MYRFL: variants seen among roughly 807,000 people sequenced by gnomAD.
MYRFL encodes myelin regulatory factor like.
A neutral mutation model predicts 109.4 loss-of-function variants in MYRFL; 88 were observed. That is an observed-to-expected ratio of 0.80 (90% CI 0.68 to 0.96). The LOEUF is 0.96. Ranked by LOEUF, MYRFL falls within the 40% of genes least tolerant of loss-of-function variation. MYRFL has a pLI of 0.00. For synonymous variants in MYRFL, 324 were observed against 320.9 expected (o/e 1.01, Z -0.10); for missense variants, 957 against 954.9 (o/e 1.00, Z -0.03).
Position 69,838,955 on chromosome 12 carries a change from G to T in MYRFL, c.46+13392G>T, listed in dbSNP as rs529396796. ...TTTTTAGATTATTCACTGAGAAGCT[G>T]TGCAAAGCCACAAGTGCAGCTCTCT... On this transcript the variant is annotated intron_variant, in intron 1 of 24. Transcript: ENST00000552032. Among the ~76,000 whole-genome samples the T allele has an allele frequency of 1.5e-3, 236 of 152,290 alleles. 1 individual carries two copies. Among genetic ancestry groups the T allele is most frequent in the Middle Eastern group, 6.8e-3 (2 of 294 alleles).
At chr12:69,956,659 G>A (rs967916073) in intron 22 of MYRFL, among the ~76,000 whole-genome samples, 3 of 150,934 alleles carry the variant, frequency 2.0e-5, no homozygotes, top group East Asian at 3.9e-4. Context: ...TTCACCGCAC[G>A]CCTTCTGCCT....
intron 14 of MYRFL, among the ~76,000 whole-genome samples, chr12:69,927,414 A>ATT (rs56738242): frequency 1.3e-4 from 19 of 150,136 alleles, no homozygotes; most frequent in South Asian, 2.1e-4. Context: ...ACTTTCTGTT[A>ATT]TTTTTTTTTT....
intron 11 of MYRFL, among the ~76,000 whole-genome samples, chr12:69,906,197 T>C (rs1406156609): frequency 6.6e-6 from 1 of 152,192 alleles, no homozygotes; most frequent in African/African-American, 2.4e-5. Context: ...ATTAAGAACA[T>C]GATTATCTAC....
intron 1 of MYRFL, among the ~76,000 whole-genome samples, chr12:69,836,941 A>G (rs768048376): frequency 1.3e-5 from 2 of 152,146 alleles, no homozygotes; most frequent in Non-Finnish European, 2.9e-5. Context: ...CCCAACTTCA[A>G]AGTTTCTTTC....
At chr12:69,826,149 C>T (rs1340087935) in intron 1 of MYRFL, among the ~76,000 whole-genome samples, 3 of 151,932 alleles carry the variant, frequency 2.0e-5, no homozygotes, top group Non-Finnish European at 4.4e-5. Flanking sequence ...AGTGACGGGG[C>T]GTACCAAAGA....
chr12:69,916,098 C>T (rs2120409068), intron 13 of MYRFL, among the ~76,000 whole-genome samples: 1 of 151,918 alleles, frequency 6.6e-6, no homozygotes, highest in African/African-American at 2.4e-5. Flanking sequence ...CTCATTGATT[C>T]TATTTTTTTT....
At chr12:69,923,802 C>T (rs1456180613) in intron 13 of MYRFL, among the ~76,000 whole-genome samples, 1 of 152,048 alleles carries the variant, frequency 6.6e-6, no homozygotes, top group Non-Finnish European at 1.5e-5. Flanking sequence ...AAACCAGAAA[C>T]TCAATACCCA....
At chr12:69,860,583 G>A (rs1884587703) in intron 2 of MYRFL, among the ~76,000 whole-genome samples, 3 of 151,704 alleles carry the variant, frequency 2.0e-5, no homozygotes, top group Admixed American at 1.3e-4. Context: ...TTGGATTTGA[G>A]TCTATCTTTT....
chr12:69,939,393 C>T lies in MYRFL; in HGVS notation c.2224+2761C>T, dbSNP rs373370488. Among the ~76,000 whole-genome samples the T allele has an allele frequency of 8.5e-5, 13 of 152,222 alleles. No homozygotes were observed. The South Asian group carries it at 1.0e-3, about 12-fold the overall frequency. On this transcript the variant is annotated intron_variant, in intron 19 of 24. Coordinates refer to ENST00000552032, the MANE Select transcript of MYRFL (RefSeq NM_182530.3). ...AAGTGGGTCCCTGACCCCTGACCCCCGAGCAGCCTAACTGGGAGGCACCCT... is the reference window on the plus strand; with the variant it reads ...AAGTGGGTCCCTGACCCCTGACCCCTGAGCAGCCTAACTGGGAGGCACCCT...
At chr12:69,865,830 G>A (rs1592723064) in intron 2 of MYRFL, among the ~76,000 whole-genome samples, 1 of 152,216 alleles carries the variant, frequency 6.6e-6, no homozygotes, top group Non-Finnish European at 1.5e-5. Flanking sequence ...TACCTTTGAG[G>A]TGGGTGATGG....
intron 20 of MYRFL, 56 bp downstream of exon 20, chr12:69,952,231 A>AT (rs1275490442): frequency 1.4e-6 from 2 of 1,459,116 alleles, no homozygotes; most frequent in East Asian, 4.9e-5. Context: ...AGGCCAACTA[A>AT]CAAGTTGTAA....
At chr12:69,829,188 T>C (rs1362480153) in intron 1 of MYRFL, among the ~76,000 whole-genome samples, 1 of 152,064 alleles carries the variant, frequency 6.6e-6, no homozygotes, top group Non-Finnish European at 1.5e-5. Context: ...TTGAGATCTA[T>C]GAGGAAGAAT....
At chr12:69,835,768 G>A (rs1882899122) in intron 1 of MYRFL, among the ~76,000 whole-genome samples, 1 of 152,196 alleles carries the variant, frequency 6.6e-6, no homozygotes, top group African/African-American at 2.4e-5. Flanking sequence ...CAGGGGCAGT[G>A]GCTCGCTTCT....
At chr12:69,825,884 A>C (rs1276739116) in intron 1 of MYRFL, among the ~76,000 whole-genome samples, 1 of 152,106 alleles carries the variant, frequency 6.6e-6, no homozygotes, top group African/African-American at 2.4e-5. Context: ...GTTTAAAAAA[A>C]CTACATAGCC....
chr12:69,932,870 T>TGTGC (rs1013726668), intron 16 of MYRFL, among the ~76,000 whole-genome samples: 16 of 150,756 alleles, frequency 1.1e-4, no homozygotes, highest in African/African-American at 3.6e-4. Flanking sequence ...TTCGTGTGTG[T>TGTGC]GTGTGTGTGT....
chr12:69,944,297 A>ATGAT (rs1458810453), intron 19 of MYRFL, among the ~76,000 whole-genome samples: 1 of 116,740 alleles, frequency 8.6e-6, no homozygotes, highest in Non-Finnish European at 1.7e-5. Context: ...ATGTCCAACA[A>ATGAT]TGATAGACTG....
In MYRFL at chr12:69,926,117, C is replaced by CTTT. The variant is rs147973443; in HGVS notation, c.1603-432_1603-430dup. On this transcript the variant is annotated intron_variant, in intron 13 of 24. Coordinates refer to ENST00000552032, the MANE Select transcript of MYRFL (RefSeq NM_182530.3). Reference sequence around the variant, plus strand: ...TGTTCTGACTTTCTTTCTTCTTCTTCTTTTTTTTTTTTTTTTTTTTTTTTG... The same window carrying CTTT: ...TGTTCTGACTTTCTTTCTTCTTCTTCTTTTTTTTTTTTTTTTTTTTTTTTTTTG... 3.7e-3 allele frequency among the ~76,000 whole-genome samples: 310 copies of CTTT among 84,762 alleles called. 2 individuals carry two copies. Among genetic ancestry groups the CTTT allele is most frequent in the Non-Finnish European group, 5.1e-3 (231 of 44,874 alleles). 55.6% of individuals were successfully genotyped at this position (84,762 alleles called of 152,430 possible).
intron 13 of MYRFL, among the ~76,000 whole-genome samples, chr12:69,916,354 A>C (rs921445379): frequency 1.3e-5 from 2 of 152,108 alleles, no homozygotes; most frequent in Admixed American, 1.3e-4. Flanking sequence ...AAGGGGGAAG[A>C]CTTGAGAGGC....
chr12:69,943,199 A>G (rs896110804), intron 19 of MYRFL, among the ~76,000 whole-genome samples: 11 of 151,624 alleles, frequency 7.3e-5, no homozygotes, highest in African/African-American at 2.7e-4. Flanking sequence ...GTTCATATGG[A>G]ACGAAAAAAC....
Sources: gnomAD v4.1 joint callset for allele counts (sites outside exome capture counted in the v4.1 genomes callset) on GRCh38, gnomAD v4.1.1 for gene constraint, MANE v1.5 for transcripts, NCBI Gene and HGNC (gene_info 2026-07-23, HGNC 2026-07-21) for gene names.